GPRC5A: variants seen among roughly 807,000 people sequenced by gnomAD.
GPRC5A encodes the protein G protein-coupled receptor class C group 5 member A, also known as retinoic acid-induced protein 3.
In GPRC5A, 19 loss-of-function variants were observed where a neutral mutation model predicts 22.5. The observed-to-expected ratio is 0.85, with a 90% CI of 0.59 to 1.24. The LOEUF is 1.24. Ranked by LOEUF, GPRC5A falls within the 50% of genes most tolerant of loss-of-function variation. The probability of loss-of-function intolerance (pLI) is 0.00; values close to 1 mark genes in which losing one functional copy is unlikely to be tolerated. For synonymous variants in GPRC5A, 192 were observed against 184.5 expected (o/e 1.04, Z -0.33); for missense variants, 471 against 451.1 (o/e 1.04, Z -0.40).
intron 1 of GPRC5A, 75 bp from the exon 2 acceptor site, chr12:12,908,168 T>G: frequency 1.9e-6 from 2 of 1,042,366 alleles, no homozygotes. Flanking sequence ...CTAATCCTTT[T>G]TTAGTCTTCT....
intron 1 of GPRC5A, among the ~76,000 whole-genome samples, chr12:12,907,284 C>T (rs1863951977): frequency 1.3e-5 from 2 of 150,304 alleles, no homozygotes; most frequent in South Asian, 2.1e-4. Flanking sequence ...GCCTGTAGTA[C>T]CAGCTACTCT....
In GPRC5A at chr12:12,915,780, T is replaced by C. The variant is rs138885058; in HGVS notation, c.*3241T>C. 323 of 470,974 alleles carry C rather than the reference T, an allele frequency of 6.9e-4. No individual in the cohort carries two copies. The highest frequency in any genetic ancestry group is 5.8e-3 in the African/African-American group (289 of 50,012). The allele number at this position is 470,974 out of a possible 1,614,324, so 29.2% of individuals were successfully genotyped here. ...GCTGGGATACCGTGGCCTCTGAAAG[T>C]GCTGGGATTACAGGCATGAGCCACC... On this transcript the variant is annotated 3_prime_UTR_variant, in exon 4 of 4. Coordinates refer to ENST00000014914, the MANE Select transcript of GPRC5A (RefSeq NM_003979.4).
intron 1 of GPRC5A, among the ~76,000 whole-genome samples, chr12:12,905,010 G>A (rs1356900520): frequency 1.3e-5 from 2 of 150,614 alleles, no homozygotes; most frequent in Non-Finnish European, 3.0e-5. Context: ...TCAGCCTCCC[G>A]AGTAGCTGGG....
At position 12,914,241 on chromosome 12, in the gene GPRC5A, C is replaced by T. The variant is rs1415060319; in HGVS notation, c.*1702C>T. The T allele has an allele frequency of 6.5e-6, 1 of 153,058 alleles. No homozygotes were observed. Among genetic ancestry groups the T allele is most frequent in the Non-Finnish European group, 1.5e-5 (1 of 68,056 alleles). The allele number at this position is 153,058 out of a possible 1,614,324, so 9.5% of individuals were successfully genotyped here. A position where few individuals can be genotyped will look rare whatever the true frequency, so the allele number is the denominator to read the frequency against. The stretch of plus-strand genomic sequence containing the variant: ...CTCTGCTTTTCATCAAAAGGAAAAA[C>T]CAGCGTGAGGCAGAGGCGAGGGAGG... On this transcript the variant is annotated 3_prime_UTR_variant, in exon 4 of 4. Transcript: ENST00000014914.
chr12:12,893,331 G>T (rs1863784051), intron 1 of GPRC5A, among the ~76,000 whole-genome samples: 1 of 152,230 alleles, frequency 6.6e-6, no homozygotes, highest in Non-Finnish European at 1.5e-5. Context: ...GAAGACAACA[G>T]GGTATGAAGA....
intron 1 of GPRC5A, 100 bp from the exon 2 acceptor site, chr12:12,908,143 T>C (rs1419487813): frequency 1.3e-6 from 1 of 779,114 alleles, no homozygotes; most frequent in Non-Finnish European, 2.0e-6. Flanking sequence ...TGGCTAAACA[T>C]GCAAAATTGG....
At chr12:12,895,788 T>G (rs1863816375) in intron 1 of GPRC5A, among the ~76,000 whole-genome samples, 1 of 115,938 alleles carries the variant, frequency 8.6e-6, no homozygotes, top group Non-Finnish European at 1.7e-5. Context: ...CCATCCTGAC[T>G]AACACAGTGA....
In GPRC5A at chr12:12,894,999, T is replaced by C. The variant is rs201881888; in HGVS notation, c.-8+3335T>C. Among the ~76,000 whole-genome samples the C allele has an allele frequency of 5.9e-5, 9 of 151,846 alleles. No homozygotes were observed. In the East Asian group the frequency reaches 7.8e-4, roughly 13 times the overall value. ...TTCACCGTGTTAGCCAGGATGGTCT[T>C]GATCTCCTGACCTCGTGATCTGCCC... is the stretch of plus-strand genomic sequence containing the variant. On this transcript the variant is annotated intron_variant, in intron 1 of 3. Transcript: ENST00000014914.
chr12:12,896,985 G>C (rs1863827238), intron 1 of GPRC5A, among the ~76,000 whole-genome samples: 1 of 152,198 alleles, frequency 6.6e-6, no homozygotes, highest in Non-Finnish European at 1.5e-5. Flanking sequence ...CTAGCACTGT[G>C]AGAGGCTGAG....
At chr12:12,908,191 T>C in intron 1 of GPRC5A, 52 bp from the exon 2 acceptor site, 1 of 1,190,720 alleles carries the variant, frequency 8.4e-7, no homozygotes, top group Non-Finnish European at 1.2e-6. Context: ...GTCTGAGGAC[T>C]GTGTTAGGAG....
chr12:12,907,773 A>G (rs1030851340), intron 1 of GPRC5A, among the ~76,000 whole-genome samples: 1 of 152,188 alleles, frequency 6.6e-6, no homozygotes, highest in African/African-American at 2.4e-5. Flanking sequence ...CTGGGACTAC[A>G]GGTGCGTGCC....
chr12:12,897,538 T>C (rs2136455956), intron 1 of GPRC5A, among the ~76,000 whole-genome samples: 1 of 151,634 alleles, frequency 6.6e-6, no homozygotes, highest in Admixed American at 6.6e-5. Flanking sequence ...GGAGGACTAA[T>C]TGGAGAAAGG....
At position 12,913,876 on chromosome 12, in the gene GPRC5A, A is replaced by T. The variant is rs1031689236; in HGVS notation, c.*1337A>T. 21 of 152,376 alleles carry T rather than the reference A, an allele frequency of 1.4e-4. No homozygotes were observed. Among genetic ancestry groups the T allele is most frequent in the African/African-American group, 4.6e-4 (19 of 41,584 alleles). The allele number at this position is 152,376 out of a possible 1,614,324, so 9.4% of individuals were successfully genotyped here. A position where few individuals can be genotyped will look rare whatever the true frequency, so the allele number is the denominator to read the frequency against. ...ATCACGGGGCCTGAGGTTTTACTCC[A>T]GAAAAGCAGAGGAGTGGCAACCTTG... On this transcript the variant is annotated 3_prime_UTR_variant, in exon 4 of 4. Coordinates refer to ENST00000014914, the MANE Select transcript of GPRC5A (RefSeq NM_003979.4).
intron 1 of GPRC5A, among the ~76,000 whole-genome samples, chr12:12,896,134 A>G (rs1356619924): frequency 1.3e-5 from 2 of 152,154 alleles, no homozygotes; most frequent in Non-Finnish European, 2.9e-5. Flanking sequence ...TTATTTAAAA[A>G]GATGATTTCC....
intron 1 of GPRC5A, among the ~76,000 whole-genome samples, chr12:12,898,639 A>C (rs1863848605): frequency 6.6e-6 from 1 of 152,222 alleles, no homozygotes; most frequent in African/African-American, 2.4e-5. Flanking sequence ...CTCCACGTGC[A>C]GGTCGCATAT....
At chr12:12,896,536 A>T (rs1863824606) in intron 1 of GPRC5A, among the ~76,000 whole-genome samples, 1 of 152,224 alleles carries the variant, frequency 6.6e-6, no homozygotes, top group Admixed American at 6.5e-5. Context: ...GGGTAGAAAT[A>T]CGAGGATTAA....
intron 1 of GPRC5A, among the ~76,000 whole-genome samples, chr12:12,894,319 T>C (rs1863797415): frequency 6.6e-6 from 1 of 152,224 alleles, no homozygotes; most frequent in South Asian, 2.1e-4. Context: ...CTTATTCATA[T>C]TGTATATTTT....
Position 12,917,278 on chromosome 12 carries a change from C to CACACA in GPRC5A, c.*4739_*4740insACACA, listed in dbSNP as rs1370001833. 6.7e-6 allele frequency: 1 copy of CACACA among 149,076 alleles called. No homozygotes were observed. Among genetic ancestry groups the CACACA allele is most frequent in the Non-Finnish European group, 1.5e-5 (1 of 67,716 alleles). The allele number at this position is 149,076 out of a possible 1,614,324, so 9.2% of individuals were successfully genotyped here. A position where few individuals can be genotyped will look rare whatever the true frequency, so the allele number is the denominator to read the frequency against. On this transcript the variant is annotated 3_prime_UTR_variant, in exon 4 of 4. Transcript: ENST00000014914. ...CGTGCGTGCGTGTATGTGCGCCTGA[C>CACACA]CCTGATTTCTGCAACCTCCAGATTT...
chr12:12,910,991 C>G (rs1284891280), intron 2 of GPRC5A, among the ~76,000 whole-genome samples: 1 of 151,978 alleles, frequency 6.6e-6, no homozygotes, highest in Non-Finnish European at 1.5e-5. Context: ...CTGCCTCAGC[C>G]TCCCGAGTAG....
Sources: gnomAD v4.1 joint callset for allele counts (sites outside exome capture counted in the v4.1 genomes callset) on GRCh38, gnomAD v4.1.1 for gene constraint, MANE v1.5 for transcripts, NCBI Gene and HGNC (gene_info 2026-07-23, HGNC 2026-07-21) for gene names.